The following ZNF12 variants were observed in gnomAD, a reference collection of about 807,000 sequenced individuals.
ZNF12 encodes the protein zinc finger protein 12.
ZNF12 carries 34 observed loss-of-function variants against 66.6 expected under a neutral mutation model. That is an observed-to-expected ratio of 0.51 (90% CI 0.39 to 0.68). ZNF12 has a LOEUF of 0.68. Ranked by LOEUF, ZNF12 falls within the 30% of genes least tolerant of loss-of-function variation. ZNF12 has a pLI of 0.00. For missense variants in ZNF12, 697 were observed against 826.9 expected (o/e 0.84, Z 1.93); for synonymous variants, 320 against 278.9 (o/e 1.15, Z -1.47).
rs1376879354 is a variant in ZNF12, at chr7:6,698,450, C to A, written c.16-639G>T. On this transcript the variant is annotated intron_variant, in intron 2 of 4. Coordinates refer to ENST00000405858, the MANE Select transcript of ZNF12 (RefSeq NM_016265.4). The surrounding 1 kb of genome is among the most constrained non-coding windows in gnomAD (Gnocchi z 4.4). ...AGACACATATGTCCCAGATGGCAAA[C>A]TCAACATCCCTGAAATTCAATTGCT... is the stretch of plus-strand genomic sequence containing the variant. 6.6e-6 allele frequency among the ~76,000 whole-genome samples: 1 copy of A among 152,208 alleles called. No homozygotes were observed. The highest frequency in any genetic ancestry group is 2.4e-5 in the African/African-American group (1 of 41,452).
intron 2 of ZNF12, among the ~76,000 whole-genome samples, chr7:6,704,740 C>CAAAAAAAAAAAAAAAAAA (rs949897713): frequency 3.1e-5 from 1 of 32,252 alleles, no homozygotes; most frequent in African/African-American, 1.0e-4. Flanking sequence ...TACTTGGTCT[C>CAAAAAAAAAAAAAAAAAA]AAAAAAAAAA....
rs149594072 is a variant in ZNF12 at position 6,699,510 on chromosome 7, C to T, written c.16-1699G>A. ...CAGCCAGATGAATCCAGGTGCAGGA[C>T]TGCCCCAGCAGGTGATGAGAACTTC... is the stretch of plus-strand genomic sequence containing the variant. On this transcript the variant is annotated intron_variant, in intron 2 of 4. Transcript: ENST00000405858. Among the ~76,000 whole-genome samples the T allele has an allele frequency of 1.7e-3, 261 of 152,342 alleles. 1 individual carries two copies. Among genetic ancestry groups the T allele is most frequent in the African/African-American group, 5.5e-3 (230 of 41,582 alleles).
intron 4 of ZNF12, among the ~76,000 whole-genome samples, chr7:6,694,772 A>C (rs952678941): frequency 1.3e-5 from 2 of 152,292 alleles, no homozygotes; most frequent in African/African-American, 4.8e-5. Flanking sequence ...GCTTGAAAAA[A>C]ATACTTCTCA....
chr7:6,698,198 C>T lies in ZNF12; in HGVS notation c.16-387G>A, dbSNP rs555586509. Among the ~76,000 whole-genome samples the T allele has an allele frequency of 1.3e-5, 2 of 152,248 alleles. No homozygotes were observed. The highest frequency in any genetic ancestry group is 4.2e-4 in the South Asian group (2 of 4,816). ...TTCTAGAACATTAATAATGTTGGTT[C>T]TCTTCTTACCTCCCTGGTCACTCCT... On this transcript the variant is annotated intron_variant, in intron 2 of 4. Transcript: ENST00000405858. The surrounding 1 kb of genome is among the most constrained non-coding windows in gnomAD (Gnocchi z 4.4).
At position 6,696,103 on chromosome 7, in the gene ZNF12, A is replaced by T. The variant is rs1015021486; in HGVS notation, c.238+1236T>A. On this transcript the variant is annotated intron_variant, in intron 4 of 4. Transcript: ENST00000405858. The surrounding 1 kb of genome is among the most constrained non-coding windows in gnomAD (Gnocchi z 4.0). The stretch of plus-strand genomic sequence containing the variant: ...GGCTTATCTTGTGAGGCTAGCGATG[A>T]TATCAACTGGAAACTTTAGATGAAG... 6.6e-6 allele frequency among the ~76,000 whole-genome samples: 1 copy of T among 152,246 alleles called. No homozygotes were observed. Among genetic ancestry groups the T allele is most frequent in the Admixed American group, 6.5e-5 (1 of 15,280 alleles).
chr7:6,706,262 C>T (rs1177226230), intron 1 of ZNF12, among the ~76,000 whole-genome samples, 170 bp downstream of exon 1: 2 of 152,122 alleles, frequency 1.3e-5, no homozygotes, highest in African/African-American at 4.8e-5. Flanking sequence ...CTGGTGACAC[C>T]CCCCACGCCC....
Position 6,696,184 on chromosome 7 carries a change from C to A in ZNF12, c.238+1155G>T, listed in dbSNP as rs760353405. Among the ~76,000 whole-genome samples the A allele has an allele frequency of 1.3e-5, 2 of 152,090 alleles. No homozygotes were observed. Among genetic ancestry groups the A allele is most frequent in the African/African-American group, 2.4e-5 (1 of 41,392 alleles). On this transcript the variant is annotated intron_variant, in intron 4 of 4. Transcript: ENST00000405858. The surrounding 1 kb of genome is among the most constrained non-coding windows in gnomAD (Gnocchi z 4.0). ...CATGACAGCATCTAGTCTTTGTTTA[C>A]ATTAAGTCAAAGGAAACTGAGGATA... is the stretch of plus-strand genomic sequence containing the variant.
chr7:6,706,589 A>T lies in ZNF12; in HGVS notation c.-208T>A, dbSNP rs1181379765. On this transcript the variant is annotated 5_prime_UTR_variant, in exon 1 of 5. Coordinates refer to ENST00000405858, the MANE Select transcript of ZNF12 (RefSeq NM_016265.4). ...CGGGCCGGGCCTACGGGACAAATCC[A>T]GGCGGGGCGTCCCTCCCGGAGCCCA... 2.2e-6 allele frequency: 1 copy of T among 457,420 alleles called. No individual in the cohort carries two copies. The highest frequency in any genetic ancestry group is 2.3e-5 in the Admixed American group (1 of 42,714). 28.3% of individuals were successfully genotyped at this position (457,420 alleles called of 1,614,324 possible). A position where few individuals can be genotyped will look rare whatever the true frequency, so the allele number is the denominator to read the frequency against.
Position 6,705,498 on chromosome 7 carries a change from G to T in ZNF12, c.-50-275C>A, listed in dbSNP as rs1295485868. On this transcript the variant is annotated intron_variant, in intron 1 of 4. Transcript: ENST00000405858. The surrounding 1 kb of genome is among the most constrained non-coding windows in gnomAD (Gnocchi z 4.0). Reference sequence around the variant, plus strand: ...AATAATCTGCCATCATTAAATGCAAGATTTAAAAAGGAATTCTGGTGACCA... The same window carrying T: ...AATAATCTGCCATCATTAAATGCAATATTTAAAAAGGAATTCTGGTGACCA... Among the ~76,000 whole-genome samples the T allele has an allele frequency of 6.6e-6, 1 of 152,182 alleles. No individual in the cohort carries two copies. The highest frequency in any genetic ancestry group is 1.5e-5 in the Non-Finnish European group (1 of 68,038).
rs910961036 is a variant in ZNF12, at chr7:6,691,660, G to C, written c.1282C>G (p.Leu428Val). The change falls in exon 5 of 5, where the codon CTG (leucine) becomes GTG (valine). Residue 428 changes from leucine to valine, a missense_variant. Physicochemically the swap from Leu to Val is conservative, Grantham distance 32 (BLOSUM62 1). Around this residue, in one of 3 missense-constraint regions of ZNF12, gnomAD observed 401 missense variants for 519.0 expected, o/e 0.77. Transcript: ENST00000405858. ...GGTTTCTCTCCTGTGTGGGTCCTCA[G>C]GTGGGTCGTGAGAGTAGACTTGCGG... Reference protein sequence around the residue: ...FCRKSTLTTHLRTHTGEKPYE... With the variant: ...FCRKSTLTTHVRTHTGEKPYE... 8.1e-6 allele frequency: 13 copies of C among 1,613,654 alleles called. No homozygotes were observed. In the African/African-American group the frequency reaches 1.6e-4, roughly 20 times the overall value.
intron 2 of ZNF12, among the ~76,000 whole-genome samples, chr7:6,700,580 A>G (rs913354205): frequency 6.6e-6 from 1 of 151,678 alleles, no homozygotes; most frequent in African/African-American, 2.4e-5. Flanking sequence ...ATCCCCTCAA[A>G]CCCCCACTGC....
At position 6,698,784 on chromosome 7, in the gene ZNF12, C is replaced by G. The variant is rs1780189995; in HGVS notation, c.16-973G>C. On this transcript the variant is annotated intron_variant, in intron 2 of 4. Transcript: ENST00000405858. This position sits in a 1 kb window ranked among gnomAD's most constrained non-coding sequence, Gnocchi z 4.4. Reference sequence around the variant, plus strand: ...GCTGACCTGGAAACTGTCAAAACCACATCTATAAATGTGTATCTTTTGAAT... The same window carrying G: ...GCTGACCTGGAAACTGTCAAAACCAGATCTATAAATGTGTATCTTTTGAAT... 6.6e-6 allele frequency among the ~76,000 whole-genome samples: 1 copy of G among 152,200 alleles called. No individual in the cohort carries two copies. The highest frequency in any genetic ancestry group is 6.5e-5 in the Admixed American group (1 of 15,280).
Position 6,690,851 on chromosome 7 carries a change from G to C in ZNF12, c.2091C>G (p.Leu697=), listed in dbSNP as rs761260177. 3 of 1,605,706 alleles carry C rather than the reference G, an allele frequency of 1.9e-6. No individual in the cohort carries two copies. In the Admixed American group the frequency reaches 5.1e-5, roughly 27 times the overall value. ...NMNVIDVGRL[L] is the part of the protein sequence containing the mutation. ...TGATATAAAATGAGGTCTGACTTCA[G>C]AGAAGCCTTCCCACATCTATTACAT... Residue 697 remains leucine, a synonymous_variant, in exon 5 of 5, where the codon CTC becomes CTG. Coordinates refer to ENST00000405858, the MANE Select transcript of ZNF12 (RefSeq NM_016265.4).
chr7:6,691,851 T>C lies in ZNF12; in HGVS notation c.1091A>G (p.Gln364Arg). 6.2e-7 allele frequency: 1 copy of C among 1,614,174 alleles called. No individual in the cohort carries two copies. Among genetic ancestry groups the C allele is most frequent in the Non-Finnish European group, 8.5e-7 (1 of 1,180,008 alleles). The change falls in exon 5 of 5, where the codon CAG (glutamine) becomes CGG (arginine). Residue 364 changes from glutamine to arginine, a missense_variant. Physicochemically the swap from Gln to Arg is conservative, Grantham distance 43. This residue lies in a region of ZNF12 where 401 missense variants were observed against 519.0 expected (regional missense o/e 0.77). Transcript: ENST00000405858. ...ECSYCGKSFC[Q>R]KTHLTQHQRT... ...CTGATGTTGTGTGAGGTGTGTCTTC[T>C]GGCAAAAGGATTTTCCACAATAACT...
rs1388392679 is a variant in ZNF12, at chr7:6,688,442, T to C, written c.*2406A>G. ...AGAAAATGCCAAGCCATTTACAGTT[T>C]TCAAATATTTTACTGAAAATGCATA... On this transcript the variant is annotated 3_prime_UTR_variant, in exon 5 of 5. Transcript: ENST00000405858. The surrounding 1 kb of genome is among the most constrained non-coding windows in gnomAD (Gnocchi z 4.3). The C allele has an allele frequency of 1.3e-5, 2 of 152,214 alleles. No homozygotes were observed. Among genetic ancestry groups the C allele is most frequent in the African/African-American group, 4.8e-5 (2 of 41,452 alleles). 9.4% of individuals were successfully genotyped at this position (152,214 alleles called of 1,614,324 possible). A position where few individuals can be genotyped will look rare whatever the true frequency, so the allele number is the denominator to read the frequency against.
At chr7:6,693,496 G>A (rs1780105813) in intron 4 of ZNF12, among the ~76,000 whole-genome samples, 1 of 152,206 alleles carries the variant, frequency 6.6e-6, no homozygotes, top group African/African-American at 2.4e-5. Context: ...ATGATGCTAT[G>A]ATTTAATGCT....
intron 4 of ZNF12, among the ~76,000 whole-genome samples, chr7:6,695,320 A>C (rs1780138577): frequency 6.6e-6 from 1 of 152,220 alleles, no homozygotes; most frequent in Non-Finnish European, 1.5e-5. Context: ...TCTTAATCTG[A>C]ATCATATAGG....
chr7:6,691,491 T>G lies in ZNF12; in HGVS notation c.1451A>C (p.Gln484Pro). 6.2e-7 allele frequency: 1 copy of G among 1,614,076 alleles called. No individual in the cohort carries two copies. The highest frequency in any genetic ancestry group is 8.5e-7 in the Non-Finnish European group (1 of 1,179,980). Residue 484 changes from glutamine (Q) to proline (P), a missense_variant, in exon 5 of 5, where the codon CAG becomes CCG. By Grantham distance (76) the Gln-to-Pro change is moderately conservative. Around this residue, in one of 3 missense-constraint regions of ZNF12, gnomAD observed 401 missense variants for 519.0 expected, o/e 0.77. Coordinates refer to ENST00000405858, the MANE Select transcript of ZNF12 (RefSeq NM_016265.4). Reference protein sequence around the residue: ...FYLNSALMRHQRVHTGEKPYE... With the variant: ...FYLNSALMRHPRVHTGEKPYE... ...AGGTTTCTCTCCTGTGTGCACTCTC[T>G]GATGTCTCATGAGGGCTGAATTCAG...
At chr7:6,693,492 C>G (rs912583297) in intron 4 of ZNF12, among the ~76,000 whole-genome samples, 8 of 152,194 alleles carry the variant, frequency 5.3e-5, no homozygotes, top group African/African-American at 1.7e-4. Context: ...TCTAATGATG[C>G]TATGATTTAA....
Sources: allele counts gnomAD v4.1 joint callset (sites outside exome capture counted in the v4.1 genomes callset), GRCh38; gene constraint gnomAD v4.1.1; regional missense constraint gnomAD v4.1.1; non-coding constraint Gnocchi (gnomAD v3.1); transcripts MANE v1.5; gene names NCBI Gene and HGNC (gene_info 2026-07-23, HGNC 2026-07-21).